The following MYLK4 variants were observed in gnomAD, a reference collection of about 807,000 sequenced individuals.
MYLK4 encodes myosin light chain kinase family member 4, also known as caMLCK like.
MYLK4 carries 46 observed loss-of-function variants against 48.1 expected under a neutral mutation model. That is an observed-to-expected ratio of 0.96 (90% confidence interval 0.75 to 1.22). The LOEUF (loss-of-function observed/expected upper bound fraction) is 1.22. Among genes scored for constraint, MYLK4 ranks in the 50% most tolerant of loss-of-function variants. The pLI, the probability that MYLK4 is intolerant of heterozygous loss-of-function variation, is 0.00. For synonymous variants in MYLK4, 170 were observed against 180.8 expected, an observed-to-expected ratio of 0.94 and a Z score of 0.48; for missense variants, 451 against 486.1, an observed-to-expected ratio of 0.93 and a Z score of 0.68.
chr6:2,712,042 A>G (rs1762692694), intron 2 of MYLK4, among the ~76,000 whole-genome samples: 1 of 152,142 alleles, frequency 6.6e-6, no homozygotes, highest in Non-Finnish European at 1.5e-5. Context: ...GATTTTTCTC[A>G]TCTTTTGTTT....
chr6:2,713,455 A>G (rs1217635425), intron 2 of MYLK4, among the ~76,000 whole-genome samples: 1 of 152,196 alleles, frequency 6.6e-6, no homozygotes, highest in Non-Finnish European at 1.5e-5. Context: ...AAGCATTTTC[A>G]AGTTCTGCAC....
intron 2 of MYLK4, among the ~76,000 whole-genome samples, chr6:2,737,977 C>CGGAGGGGGGG (rs1763745902): frequency 3.9e-4 from 1 of 2,534 alleles, no homozygotes; most frequent in African/African-American, 1.5e-3. Flanking sequence ...GTGCCGGGGG[C>CGGAGGGGGGG]GGGTGGGGGG....
chr6:2,679,288 G>A lies in MYLK4; in HGVS notation c.879C>T (p.Ala293=), dbSNP rs756748338. The change falls in exon 9 of 13, where the codon GCC becomes GCT. Residue 293 remains alanine (A), a synonymous_variant. Transcript: ENST00000274643. ...PTDMWSVGVI[A]YMLLSGLSPF... ...AGAGGAGAGCTACTCACAGCATATA[G>A]GCGATGACCCCCACACTCCACATGT... 5 of 1,613,962 alleles carry A rather than the reference G, an allele frequency of 3.1e-6. No individual in the cohort carries two copies. Among genetic ancestry groups the A allele is most frequent in the Middle Eastern group, 1.6e-4 (1 of 6,084 alleles).
At chr6:2,731,082 A>G (rs1033248272) in intron 2 of MYLK4, among the ~76,000 whole-genome samples, 5 of 152,248 alleles carry the variant, frequency 3.3e-5, no homozygotes, top group Non-Finnish European at 7.3e-5. Context: ...GGTAGTCATC[A>G]GAAGAGGTTA....
chr6:2,728,989 G>A (rs1177826533), intron 2 of MYLK4, among the ~76,000 whole-genome samples: 2 of 152,178 alleles, frequency 1.3e-5, no homozygotes, highest in African/African-American at 4.8e-5. Flanking sequence ...GCAATAGAAT[G>A]GAGTCTTTGC....
intron 12 of MYLK4, 76 bp downstream of exon 12, chr6:2,671,200 G>T (rs1341478240): frequency 3.8e-6 from 4 of 1,045,366 alleles, no homozygotes; most frequent in Middle Eastern, 2.0e-4. Flanking sequence ...TAGTCTGTGA[G>T]CAAATGCTCC....
intron 2 of MYLK4, among the ~76,000 whole-genome samples, chr6:2,713,342 C>G (rs1166586681): frequency 6.6e-6 from 1 of 151,138 alleles, no homozygotes; most frequent in Non-Finnish European, 1.5e-5. Context: ...TCATTGGACT[C>G]CAGCCTGGGC....
chr6:2,717,475 G>C (rs148470176), intron 2 of MYLK4, among the ~76,000 whole-genome samples: 1 of 152,196 alleles, frequency 6.6e-6, no homozygotes, highest in East Asian at 1.9e-4. Context: ...GCTGTTGGGC[G>C]TTGGGAGATC....
the MYLK4 span, among the ~76,000 whole-genome samples, chr6:2,768,339 T>A: frequency 6.6e-6 from 1 of 152,292 alleles, no homozygotes; most frequent in South Asian, 2.1e-4. Context: ...AATTTTCTCT[T>A]TGGTGAGAGG....
chr6:2,740,920 T>C (rs747084223), intron 2 of MYLK4, among the ~76,000 whole-genome samples: 4 of 152,248 alleles, frequency 2.6e-5, no homozygotes, highest in Non-Finnish European at 5.9e-5. Flanking sequence ...CTGAGTCGGA[T>C]GTCCAGAGAC....
chr6:2,728,640 G>A (rs552043013), intron 2 of MYLK4, among the ~76,000 whole-genome samples: 1 of 152,312 alleles, frequency 6.6e-6, no homozygotes, highest in South Asian at 2.1e-4. Context: ...CTCCAGCTGA[G>A]GCTGCAGCTG....
chr6:2,720,750 T>C (rs554366121), intron 2 of MYLK4, among the ~76,000 whole-genome samples: 11 of 151,988 alleles, frequency 7.2e-5, no homozygotes, highest in Non-Finnish European at 1.5e-4. Context: ...GAAGTCTCCC[T>C]GAAAGCAGAG....
chr6:2,768,933 A>G, the MYLK4 span: 1 of 1,537,344 alleles, frequency 6.5e-7, no homozygotes, highest in South Asian at 1.2e-5. Flanking sequence ...CAAACAATAT[A>G]AAGTGTGTGA....
Position 2,671,292 on chromosome 6 carries a change from T to C in MYLK4, c.*9A>G. The C allele has an allele frequency of 6.2e-7, 1 of 1,613,730 alleles. No individual in the cohort carries two copies. The highest frequency in any genetic ancestry group is 8.5e-7 in the Non-Finnish European group (1 of 1,179,738). On this transcript the variant is annotated 3_prime_UTR_variant, in exon 12 of 13. Transcript: ENST00000274643. ...AAGACTAACCTTCCAAATGGCTGCC[T>C]CCTGTAGACTATTTGGTCACAAAGT...
the MYLK4 span, chr6:2,770,337 G>T: frequency 6.2e-7 from 1 of 1,614,164 alleles, no homozygotes; most frequent in African/African-American, 1.3e-5. Context: ...GACCCTCTGA[G>T]CCACAGCAGC....
At chr6:2,668,237 T>C (rs1344065538) in intron 12 of MYLK4, among the ~76,000 whole-genome samples, 1 of 152,178 alleles carries the variant, frequency 6.6e-6, no homozygotes, top group Non-Finnish European at 1.5e-5. Flanking sequence ...TTGTTTCGTC[T>C]GAAGTACAGC....
chr6:2,685,258 C>T lies in MYLK4; in HGVS notation c.545+38G>A, dbSNP rs1761484066. 1.3e-6 allele frequency: 2 copies of T among 1,506,394 alleles called. No homozygotes were observed. Among genetic ancestry groups the T allele is most frequent in the East Asian group, 2.3e-5 (1 of 43,888 alleles). The allele number at this position is 1,506,394 out of a possible 1,614,324, so 93.3% of individuals were successfully genotyped here. ...AGGCACGGTCACGGTCATGAGTGCC[C>T]TTGGGGAGGTCAGGGAGGGGGCGGA... On this transcript the variant is annotated intron_variant, in intron 6 of 12. Transcript: ENST00000274643. The surrounding 1 kb of genome is among the most constrained non-coding windows in gnomAD (Gnocchi z 4.5).
At chr6:2,766,477 G>C in the MYLK4 span, 1 of 1,470,750 alleles carries the variant, frequency 6.8e-7, no homozygotes, top group Non-Finnish European at 9.1e-7. Context: ...GGCTTCCGTA[G>C]TTATCTCGGC....
the MYLK4 span, chr6:2,766,431 C>T: frequency 2.6e-6 from 4 of 1,564,150 alleles, no homozygotes; most frequent in Non-Finnish European, 3.5e-6. Flanking sequence ...TGGGGGCCGC[C>T]GGGCTGCGGC....
Sources: allele counts gnomAD v4.1 joint callset (sites outside exome capture counted in the v4.1 genomes callset), GRCh38; gene constraint gnomAD v4.1.1; non-coding constraint Gnocchi (gnomAD v3.1); transcripts MANE v1.5; gene names NCBI Gene and HGNC (gene_info 2026-07-23, HGNC 2026-07-21).